The following FOXN3 variants were observed in gnomAD, a reference collection of about 807,000 sequenced individuals.
FOXN3 encodes forkhead box N3.
FOXN3 carries 7 observed loss-of-function variants against 38.4 expected under a neutral mutation model. The observed-to-expected ratio is 0.18, with a 90% CI of 0.10 to 0.34. The LOEUF (loss-of-function observed/expected upper bound fraction) is 0.34. Ranked by LOEUF, FOXN3 falls within the 10% of genes least tolerant of loss-of-function variation. The probability of loss-of-function intolerance (pLI) is 1.00; values close to 1 mark genes in which losing one functional copy is unlikely to be tolerated. For synonymous variants in FOXN3, 230 were observed against 242.2 expected (o/e 0.95, Z 0.47); for missense variants, 456 against 613.4 (o/e 0.74, Z 2.71).
At chr14:89,491,079 A>C (rs987584727) in intron 1 of FOXN3, among the ~76,000 whole-genome samples, 6 of 151,836 alleles carry the variant, frequency 4.0e-5, no homozygotes, top group Non-Finnish European at 5.9e-5. Flanking sequence ...GGTTCAAGCG[A>C]TTCTCCTGCC....
In FOXN3 at chr14:89,467,812, T is replaced by G. The variant is rs531097903; in HGVS notation, c.-14-55322A>C. ...TTTTCTTTTCTTTCTTTGTTTTTTT[T>G]TTTTTTTTTTTTTTTTGGGTAGAGA... On this transcript the variant is annotated intron_variant, in intron 1 of 6. Transcript: ENST00000345097. Among the ~76,000 whole-genome samples, 69 of 127,080 alleles carry G rather than the reference T, an allele frequency of 5.4e-4. 1 individual carries two copies. The highest frequency in any genetic ancestry group is 3.4e-4 in the Non-Finnish European group (20 of 58,822). The allele number at this position is 127,080 out of a possible 152,430, so 83.4% of individuals were successfully genotyped here.
At chr14:89,393,143 G>A (rs1891002852) in intron 2 of FOXN3, among the ~76,000 whole-genome samples, 1 of 151,862 alleles carries the variant, frequency 6.6e-6, no homozygotes, top group South Asian at 2.1e-4. Flanking sequence ...GTTTCACCAT[G>A]TTGGCCAGGC....
intron 1 of FOXN3, among the ~76,000 whole-genome samples, chr14:89,546,329 C>CTTTCTTT (rs1555359724): frequency 0.018 from 1,390 of 78,374 alleles, 136 homozygotes; most frequent in African/African-American, 0.068. Flanking sequence ...TTTCCTTTTT[C>CTTTCTTT]TTTTTTTTTT....
chr14:89,472,584 G>A (rs140726922), intron 1 of FOXN3, among the ~76,000 whole-genome samples: 2,154 of 152,006 alleles, frequency 0.014, 41 homozygotes, highest in African/African-American at 0.05. Context: ...AGCTGGGCGT[G>A]GTGGCGGACG....
At chr14:89,353,517 C>T (rs1006866383) in intron 2 of FOXN3, 4 of 152,112 alleles carry the variant, frequency 2.6e-5, no homozygotes, top group African/African-American at 9.7e-5. Flanking sequence ...TTTTGACATT[C>T]TCAGCTCCCC....
At chr14:89,338,017 C>A (rs942219494) in intron 3 of FOXN3, among the ~76,000 whole-genome samples, 3 of 152,274 alleles carry the variant, frequency 2.0e-5, no homozygotes, top group Admixed American at 6.5e-5. Context: ...GAATTTATAA[C>A]CTTTCTATCC....
At chr14:89,411,882 T>A (rs545002941) in intron 2 of FOXN3, 52 bp downstream of exon 2, 127 of 1,218,530 alleles carry the variant, frequency 1.0e-4, no homozygotes, top group Admixed American at 6.4e-4. Flanking sequence ...GAGAAAAATT[T>A]TAAATTAAAA....
chr14:89,488,461 C>T (rs775471376), intron 1 of FOXN3, among the ~76,000 whole-genome samples: 35 of 151,854 alleles, frequency 2.3e-4, no homozygotes, highest in Admixed American at 5.9e-4. Context: ...GCCTGGGCAA[C>T]GGGGCAAAAC....
At chr14:89,340,715 G>A (rs762401451) in intron 3 of FOXN3, among the ~76,000 whole-genome samples, 3 of 152,000 alleles carry the variant, frequency 2.0e-5, no homozygotes, top group Non-Finnish European at 4.4e-5. Flanking sequence ...GGGGGAGGTT[G>A]GGATGATTTG....
chr14:89,411,114 A>G (rs147237753), intron 2 of FOXN3, among the ~76,000 whole-genome samples: 193 of 152,188 alleles, frequency 1.3e-3, no homozygotes, highest in African/African-American at 4.1e-3. Flanking sequence ...TTCTCATAGG[A>G]GCACAAACCC....
intron 1 of FOXN3, among the ~76,000 whole-genome samples, chr14:89,575,865 G>A (rs561419650): frequency 7.0e-4 from 107 of 152,270 alleles, no homozygotes; most frequent in African/African-American, 2.4e-3. Flanking sequence ...ACCGCCCTCC[G>A]GCCTCCACGC....
At chr14:89,214,781 T>A (rs1197915849) in intron 4 of FOXN3, among the ~76,000 whole-genome samples, 1 of 152,260 alleles carries the variant, frequency 6.6e-6, no homozygotes, top group African/African-American at 2.4e-5. Flanking sequence ...GTAATGTGAA[T>A]GCCTTCTATC....
intron 1 of FOXN3, among the ~76,000 whole-genome samples, chr14:89,505,754 A>G (rs1030680157): frequency 4.6e-5 from 7 of 151,200 alleles, no homozygotes; most frequent in Admixed American, 4.6e-4. Context: ...GGATGTGAGG[A>G]GCCTCTCTGC....
chr14:89,240,279 G>GA (rs60891025), intron 4 of FOXN3, among the ~76,000 whole-genome samples: 5,808 of 141,928 alleles, frequency 0.041, 330 homozygotes, highest in African/African-American at 0.14. Flanking sequence ...AATTCAATAG[G>GA]AAAAAAAAAA....
intron 1 of FOXN3, among the ~76,000 whole-genome samples, chr14:89,556,396 T>G (rs910069420): frequency 7.5e-6 from 1 of 134,206 alleles, no homozygotes. Context: ...AGAGTGAAAC[T>G]CCATCTCAAA....
At chr14:89,561,279 C>T (rs1872410082) in intron 1 of FOXN3, among the ~76,000 whole-genome samples, 1 of 152,254 alleles carries the variant, frequency 6.6e-6, no homozygotes, top group Non-Finnish European at 1.5e-5. Flanking sequence ...AGAGTGCAAT[C>T]TCGGCTCACT....
intron 2 of FOXN3, among the ~76,000 whole-genome samples, chr14:89,382,229 C>G (rs1352963017): frequency 6.6e-6 from 1 of 152,110 alleles, no homozygotes; most frequent in Non-Finnish European, 1.5e-5. Context: ...CTGGTGTCAC[C>G]AAGTGTACAC....
At chr14:89,186,426 A>G (rs972906823) in intron 4 of FOXN3, among the ~76,000 whole-genome samples, 1 of 152,084 alleles carries the variant, frequency 6.6e-6, no homozygotes, top group Non-Finnish European at 1.5e-5. Flanking sequence ...CTCCTGACTA[A>G]CAAGTCCTCC....
intron 1 of FOXN3, among the ~76,000 whole-genome samples, chr14:89,488,678 A>G (rs976065178): frequency 2.6e-5 from 4 of 151,912 alleles, no homozygotes; most frequent in Non-Finnish European, 4.4e-5. Context: ...TCGGCAGTGC[A>G]TTTTCTAGAG....
Sources: allele counts gnomAD v4.1 joint callset (sites outside exome capture counted in the v4.1 genomes callset), GRCh38; gene constraint gnomAD v4.1.1; transcripts MANE v1.5; gene names NCBI Gene and HGNC (gene_info 2026-07-23, HGNC 2026-07-21).